Variants in LMO7 observed in about 807,000 individuals in gnomAD.
LMO7 encodes LIM domain 7.
LMO7 carries 120 observed loss-of-function variants against 206.5 expected under a neutral mutation model. The observed-to-expected ratio is 0.58, with a 90% CI of 0.50 to 0.68. The LOEUF is 0.68. Ranked by LOEUF, LMO7 falls within the 30% of genes least tolerant of loss-of-function variation. The pLI is 0.00. For missense variants in LMO7, 1,959 were observed against 1,957.9 expected, an observed-to-expected ratio of 1.00 and a Z score of -0.01; for synonymous variants, 706 against 681.5, an observed-to-expected ratio of 1.04 and a Z score of -0.56.
intron 1 of LMO7, among the ~76,000 whole-genome samples, chr13:75,649,982 G>A (rs1428693169): frequency 6.6e-6 from 1 of 152,108 alleles, no homozygotes; most frequent in Non-Finnish European, 1.5e-5. Context: ...CAATACTTTA[G>A]TGGAGATATT....
rs116812388 is a variant in LMO7, at chr13:75,645,181, G to A, written c.69+8455G>A. Among the ~76,000 whole-genome samples the A allele has an allele frequency of 8.9e-3, 1,356 of 152,250 alleles. 28 individuals carry two copies. The highest frequency in any genetic ancestry group is 0.031 in the African/African-American group (1,281 of 41,530). ...GTGCATACCAGAAATTGTACAGATG[G>A]TTATTGTATAGTGCTTCAAAAATAC... On this transcript the variant is annotated intron_variant, in intron 1 of 30. Transcript: ENST00000377534.
At chr13:75,802,965 G>A (rs949307808) in intron 7 of LMO7, among the ~76,000 whole-genome samples, 4 of 152,114 alleles carry the variant, frequency 2.6e-5, no homozygotes, top group African/African-American at 9.7e-5. Context: ...ACCGTACTGG[G>A]CTAAAAAATA....
At chr13:75,655,541 A>G (rs927725974) in intron 1 of LMO7, among the ~76,000 whole-genome samples, 2 of 151,514 alleles carry the variant, frequency 1.3e-5, no homozygotes, top group South Asian at 2.1e-4. Context: ...ATCTCTTTGT[A>G]AAAGTATTGC....
At chr13:75,828,730 G>A (rs969193967) in intron 15 of LMO7, among the ~76,000 whole-genome samples, 1 of 152,200 alleles carries the variant, frequency 6.6e-6, no homozygotes, top group Non-Finnish European at 1.5e-5. Flanking sequence ...GGAGGCAAGA[G>A]AGTAACTTAG....
intron 20 of LMO7, among the ~76,000 whole-genome samples, chr13:75,839,420 T>G (rs564331304): frequency 1.3e-5 from 2 of 152,364 alleles, no homozygotes; most frequent in South Asian, 4.1e-4. Flanking sequence ...TGTATGATAG[T>G]GTATTTTCTG....
At chr13:75,763,827 A>G (rs1221512315) in intron 4 of LMO7, among the ~76,000 whole-genome samples, 5 of 152,156 alleles carry the variant, frequency 3.3e-5, no homozygotes, top group Non-Finnish European at 7.4e-5. Context: ...GTGTATGTTG[A>G]AAATGAGTGG....
In LMO7 at chr13:75,805,519, C is replaced by A; in HGVS notation, c.955C>A (p.Pro319Thr). The stretch of plus-strand genomic sequence containing the variant: ...TTGGGGCACCAATGTGGAGAACTGG[C>A]CAACTGTACAAGGAACTTCAAAGTC... Reference protein sequence around the residue: ...RIWGTNVENWPTVQGTSKSSC... With the variant: ...RIWGTNVENWTTVQGTSKSSC... Residue 319 changes from proline (P) to threonine (T), a missense_variant, in exon 9 of 31, where the codon CCA (proline) becomes ACA (threonine). Coordinates refer to ENST00000377534, the MANE Select transcript of LMO7 (RefSeq NM_001306080.2). 2 of 1,613,914 alleles carry A rather than the reference C, an allele frequency of 1.2e-6. No individual in the cohort carries two copies. Among genetic ancestry groups the A allele is most frequent in the Non-Finnish European group, 1.7e-6 (2 of 1,179,856 alleles).
At chr13:75,721,019 T>C (rs1440147605) in intron 2 of LMO7, among the ~76,000 whole-genome samples, 1 of 152,194 alleles carries the variant, frequency 6.6e-6, no homozygotes, top group Non-Finnish European at 1.5e-5. Context: ...AAATAAAAGT[T>C]ATTAATTTAA....
chr13:75,727,290 TTTTATTTA>T (rs200348051), intron 3 of LMO7, among the ~76,000 whole-genome samples, 192 bp downstream of exon 3: 39 of 151,960 alleles, frequency 2.6e-4, no homozygotes, highest in African/African-American at 6.0e-4. Flanking sequence ...GCCTGGAGGC[TTTTATTTA>T]TTTATTTATT....
chr13:75,745,067 G>A (rs977018134), intron 3 of LMO7, among the ~76,000 whole-genome samples: 2 of 152,184 alleles, frequency 1.3e-5, no homozygotes, highest in African/African-American at 2.4e-5. Context: ...TGTATGAGAA[G>A]CATTTTAGAA....
intron 1 of LMO7, among the ~76,000 whole-genome samples, chr13:75,648,578 T>G (rs576121913): frequency 1.3e-5 from 2 of 152,384 alleles, no homozygotes; most frequent in African/African-American, 4.8e-5. Flanking sequence ...TTACTCATTT[T>G]CTTGTTTCAC....
intron 1 of LMO7, among the ~76,000 whole-genome samples, chr13:75,675,798 A>T (rs1202466453): frequency 6.6e-6 from 1 of 152,204 alleles, no homozygotes; most frequent in Non-Finnish European, 1.5e-5. Context: ...GTGAGACATG[A>T]TGCTTGTAAA....
chr13:75,782,080 C>T (rs1405415853), intron 4 of LMO7, among the ~76,000 whole-genome samples: 3 of 152,122 alleles, frequency 2.0e-5, no homozygotes, highest in African/African-American at 7.2e-5. Flanking sequence ...TGCAAGTTGC[C>T]TGTTTACTCT....
chr13:75,846,955 C>T (rs955712316), intron 26 of LMO7, among the ~76,000 whole-genome samples: 21 of 149,674 alleles, frequency 1.4e-4, no homozygotes, highest in Non-Finnish European at 2.8e-4. Flanking sequence ...TGCTTGAACC[C>T]GGGAGGCAGA....
At chr13:75,822,851 T>C (rs1159428591) in intron 14 of LMO7, among the ~76,000 whole-genome samples, 1 of 146,380 alleles carries the variant, frequency 6.8e-6, no homozygotes, top group Non-Finnish European at 1.5e-5. Flanking sequence ...TATAAAACTT[T>C]TGCTCCAGCA....
At chr13:75,641,019 G>T (rs2036480194) in intron 1 of LMO7, among the ~76,000 whole-genome samples, 1 of 152,208 alleles carries the variant, frequency 6.6e-6, no homozygotes, top group Non-Finnish European at 1.5e-5. Flanking sequence ...CTGTGTGCCA[G>T]AAACTTGACG....
intron 1 of LMO7, among the ~76,000 whole-genome samples, chr13:75,679,110 C>T (rs576158736): frequency 3.3e-5 from 5 of 152,190 alleles, no homozygotes; most frequent in African/African-American, 7.2e-5. Context: ...CTTTTCATGA[C>T]ACAGAATATT....
intron 1 of LMO7, among the ~76,000 whole-genome samples, chr13:75,667,222 G>C (rs1045882250): frequency 3.9e-5 from 6 of 152,010 alleles, no homozygotes; most frequent in African/African-American, 1.5e-4. Context: ...GTTTTCAGTG[G>C]TATGACTGAT....
intron 19 of LMO7, 101 bp from the exon 20 acceptor site, chr13:75,838,039 T>C: frequency 1.4e-6 from 1 of 693,362 alleles, no homozygotes; most frequent in South Asian, 1.8e-5. Flanking sequence ...TCTTTTAAAA[T>C]AATATTGCTA....
Sources: gnomAD v4.1 joint callset for allele counts (sites outside exome capture counted in the v4.1 genomes callset) on GRCh38, gnomAD v4.1.1 for gene constraint, MANE v1.5 for transcripts, NCBI Gene and HGNC (gene_info 2026-07-23, HGNC 2026-07-21) for gene names.